PLD5: variants seen among roughly 807,000 people sequenced by gnomAD.
The protein encoded by PLD5 is phospholipase D family member 5, also known as inactive phospholipase D5.
Under a neutral mutation model 61.1 loss-of-function variants are expected in PLD5, and 36 were observed. That is an observed-to-expected ratio of 0.59 (90% CI 0.45 to 0.78). The LOEUF (loss-of-function observed/expected upper bound fraction) is 0.78. Ranked by LOEUF, PLD5 falls within the 30% of genes least tolerant of loss-of-function variation. The pLI, the probability that PLD5 is intolerant of heterozygous loss-of-function variation, is 0.00. For missense variants in PLD5, 515 were observed against 644.4 expected, an observed-to-expected ratio of 0.80 and a Z score of 2.17; for synonymous variants, 243 against 242.8, an observed-to-expected ratio of 1.00 and a Z score of -0.01.
chr1:242,232,983 C>T (rs975719485), intron 4 of PLD5, among the ~76,000 whole-genome samples: 7 of 152,020 alleles, frequency 4.6e-5, no homozygotes, highest in African/African-American at 1.2e-4. Flanking sequence ...GGCAAAACCC[C>T]GTCTCTACAA....
chr1:242,119,070 T>C (rs1387226877), intron 6 of PLD5, among the ~76,000 whole-genome samples: 6 of 152,174 alleles, frequency 3.9e-5, no homozygotes, highest in Non-Finnish European at 2.9e-5. Context: ...TCCTCTTCAA[T>C]ATTCCAGCTC....
intron 1 of PLD5, among the ~76,000 whole-genome samples, chr1:242,391,984 T>C (rs957203602): frequency 6.6e-6 from 1 of 152,132 alleles, no homozygotes. Context: ...CCATTCACAA[T>C]AGCAAAGGCA....
At chr1:242,486,375 A>G (rs1438113817) in intron 1 of PLD5, among the ~76,000 whole-genome samples, 3 of 152,114 alleles carry the variant, frequency 2.0e-5, no homozygotes, top group African/African-American at 7.2e-5. Context: ...CAAGAAAAAA[A>G]CAACCCCATC....
At chr1:242,494,091 T>TCTCCTCTCCTCTCCTCCCCTCTCC (rs1668276643) in intron 1 of PLD5, among the ~76,000 whole-genome samples, 1 of 62,314 alleles carries the variant, frequency 1.6e-5, no homozygotes, top group African/African-American at 7.0e-5. Flanking sequence ...CTGCCCTCCC[T>TCTCCTCTCCTCTCCTCCCCTCTCC]TCCCCTCTCC....
intron 5 of PLD5, among the ~76,000 whole-genome samples, chr1:242,218,860 T>G (rs1056843827): frequency 4.6e-5 from 7 of 152,186 alleles, no homozygotes; most frequent in African/African-American, 1.4e-4. Context: ...AAGAGGAGTA[T>G]TTCCAAGAAA....
At chr1:242,344,563 G>T (rs1183199663) in intron 2 of PLD5, among the ~76,000 whole-genome samples, 6 of 152,194 alleles carry the variant, frequency 3.9e-5, no homozygotes, top group African/African-American at 1.2e-4. Context: ...GGAACAAGGA[G>T]ATAATTAACA....
chr1:242,497,239 C>A (rs1272393235), intron 1 of PLD5, among the ~76,000 whole-genome samples: 1 of 152,200 alleles, frequency 6.6e-6, no homozygotes, highest in African/African-American at 2.4e-5. Context: ...CCTACTAATA[C>A]CACAACATTC....
chr1:242,366,204 A>G (rs79973639), intron 1 of PLD5, among the ~76,000 whole-genome samples: 3,236 of 152,300 alleles, frequency 0.021, 49 homozygotes, highest in East Asian at 0.033. Flanking sequence ...TTATTTAGCA[A>G]ATATGTATTT....
At chr1:242,420,137 C>A (rs1206484996) in intron 1 of PLD5, among the ~76,000 whole-genome samples, 6 of 152,136 alleles carry the variant, frequency 3.9e-5, no homozygotes, top group Admixed American at 3.3e-4. Context: ...GAGCCAGGCA[C>A]CATTCCAAAT....
At chr1:242,439,328 C>T in intron 1 of PLD5, among the ~76,000 whole-genome samples, 1 of 152,260 alleles carries the variant, frequency 6.6e-6, no homozygotes, top group Middle Eastern at 3.4e-3. Context: ...CTCATGGCTT[C>T]CAAGTAACCT....
chr1:242,296,221 G>A (rs570950742), intron 2 of PLD5, among the ~76,000 whole-genome samples: 2 of 152,280 alleles, frequency 1.3e-5, no homozygotes, highest in South Asian at 2.1e-4. Context: ...GTCTGTTCAC[G>A]TACTTTGACC....
At chr1:242,522,478 A>G (rs1669310242) in intron 1 of PLD5, among the ~76,000 whole-genome samples, 1 of 152,264 alleles carries the variant, frequency 6.6e-6, no homozygotes, top group Admixed American at 6.5e-5. Context: ...AGACATAGTC[A>G]TAGAAGGCTG....
At chr1:242,254,191 A>G (rs1433270881) in intron 4 of PLD5, among the ~76,000 whole-genome samples, 1 of 152,208 alleles carries the variant, frequency 6.6e-6, no homozygotes, top group Non-Finnish European at 1.5e-5. Context: ...GTCAAACACA[A>G]ATAGTACACA....
chr1:242,371,126 C>T (rs560596156), intron 1 of PLD5, among the ~76,000 whole-genome samples: 97 of 152,242 alleles, frequency 6.4e-4, no homozygotes, highest in Middle Eastern at 3.4e-3. Context: ...GGATTGACTT[C>T]GGGTGTAACT....
At chr1:242,173,810 T>G (rs917286645) in intron 5 of PLD5, among the ~76,000 whole-genome samples, 1 of 152,172 alleles carries the variant, frequency 6.6e-6, no homozygotes, top group Non-Finnish European at 1.5e-5. Context: ...GGATTCCCTA[T>G]TTAATAAATG....
At chr1:242,520,416 C>T (rs543014486) in intron 1 of PLD5, among the ~76,000 whole-genome samples, 20 of 152,266 alleles carry the variant, frequency 1.3e-4, no homozygotes, top group African/African-American at 4.8e-4. Flanking sequence ...GGCAAACCAG[C>T]GACTTCTCTA....
chr1:242,204,470 CTGA>C (rs1669196652), intron 5 of PLD5, among the ~76,000 whole-genome samples: 1 of 152,074 alleles, frequency 6.6e-6, no homozygotes, highest in Non-Finnish European at 1.5e-5. Context: ...TGCTGTACTG[CTGA>C]CCAGGTCATA....
At chr1:242,433,135 C>T (rs1264323092) in intron 1 of PLD5, among the ~76,000 whole-genome samples, 1 of 152,086 alleles carries the variant, frequency 6.6e-6, no homozygotes, top group Non-Finnish European at 1.5e-5. Flanking sequence ...TGGGGCAATA[C>T]ATTCTGGTCC....
chr1:242,093,860 A>T (rs896488627), intron 9 of PLD5, among the ~76,000 whole-genome samples: 4 of 152,022 alleles, frequency 2.6e-5, no homozygotes, highest in Admixed American at 1.3e-4. Context: ...GATTTTGAAG[A>T]CTTATTCTAT....
Sources: allele counts gnomAD v4.1 joint callset (sites outside exome capture counted in the v4.1 genomes callset), GRCh38; gene constraint gnomAD v4.1.1; transcripts MANE v1.5; gene names NCBI Gene and HGNC (gene_info 2026-07-23, HGNC 2026-07-21).